The following TPP2 variants were observed in gnomAD, a reference collection of about 807,000 sequenced individuals.
TPP2 encodes tripeptidyl peptidase 2, also known as tripeptidyl-peptidase 2.
Under a neutral mutation model 155.9 loss-of-function variants are expected in TPP2, and 34 were observed. The ratio of observed to expected loss-of-function variants is 0.22; its 90% CI spans 0.17 to 0.29. The LOEUF is 0.29. Ranked by LOEUF, TPP2 falls within the 10% of genes least tolerant of loss-of-function variation. The probability of loss-of-function intolerance (pLI) is 1.00; values close to 1 mark genes in which losing one functional copy is unlikely to be tolerated. For synonymous variants in TPP2, 510 were observed against 529.4 expected (o/e 0.96, Z 0.50); for missense variants, 1,028 against 1,522.3 (o/e 0.68, Z 5.40).
At chr13:102,666,910 A>G (rs952058839) in intron 27 of TPP2, among the ~76,000 whole-genome samples, 1 of 151,646 alleles carries the variant, frequency 6.6e-6, no homozygotes, top group African/African-American at 2.4e-5. Context: ...GAGCTGCTTT[A>G]AGTTTTTAGC....
At chr13:102,644,124 G>T (rs1882945554) in intron 17 of TPP2, among the ~76,000 whole-genome samples, 1 of 151,886 alleles carries the variant, frequency 6.6e-6, no homozygotes, top group East Asian at 1.9e-4. Context: ...TGACCATAAT[G>T]TCATTTTGTT....
chr13:102,630,064 T>C (rs1378394240), intron 9 of TPP2, 32 bp from the exon 10 acceptor site: 2 of 1,593,282 alleles, frequency 1.3e-6, no homozygotes, highest in African/African-American at 1.3e-5. Context: ...CCCGTTTGTT[T>C]TCTTTTCTTA....
intron 2 of TPP2, chr13:102,607,635 GA>G (rs1879942460): frequency 2.2e-6 from 1 of 448,216 alleles, no homozygotes; most frequent in Admixed American, 2.4e-5. Context: ...CGCCCAGGTT[GA>G]AGTACAATGG....
intron 10 of TPP2, chr13:102,631,502 G>A (rs1365557384): frequency 1.3e-5 from 2 of 152,200 alleles, no homozygotes; most frequent in Admixed American, 6.5e-5. Flanking sequence ...TAATAAAAGT[G>A]TAAAATTATT....
intron 24 of TPP2, among the ~76,000 whole-genome samples, chr13:102,656,524 TC>T (rs1260668256): frequency 6.6e-6 from 1 of 152,106 alleles, no homozygotes; most frequent in Non-Finnish European, 1.5e-5. Context: ...TCTATCCTTT[TC>T]TGTTTTGTTT....
intron 4 of TPP2, 62 bp downstream of exon 4, chr13:102,616,562 C>A: frequency 1.5e-6 from 2 of 1,343,626 alleles, no homozygotes; most frequent in Non-Finnish European, 2.0e-6. Context: ...AGAGTTTCTA[C>A]AGAACTAATA....
At chr13:102,677,216 A>C (rs1885326063) in intron 29 of TPP2, among the ~76,000 whole-genome samples, 1 of 152,180 alleles carries the variant, frequency 6.6e-6, no homozygotes, top group East Asian at 1.9e-4. Context: ...CTTTGACTAG[A>C]TTAAGAGAAC....
intron 7 of TPP2, among the ~76,000 whole-genome samples, chr13:102,627,626 TTTTG>T (rs1881724175): frequency 6.8e-6 from 1 of 147,944 alleles, no homozygotes; most frequent in Non-Finnish European, 1.5e-5. Context: ...AATGCTAGTT[TTTTG>T]TTTTTTTTTT....
chr13:102,619,905 A>ACT (rs1881029877), intron 5 of TPP2, among the ~76,000 whole-genome samples: 1 of 152,240 alleles, frequency 6.6e-6, no homozygotes, highest in South Asian at 2.1e-4. Flanking sequence ...GTAACATGAT[A>ACT]CAGTCACACT....
Position 102,643,335 on chromosome 13 carries a change from C to G in TPP2, c.2134C>G (p.Leu712Val). ...CCATGAATTCTATAAGTTTTGTTCT[C>G]TTCCAGAGAAAGGAACACTGACTGA... ...RSHEFYKFCSLPEKGTLTEAF... is the reference protein window; with the variant it reads ...RSHEFYKFCSVPEKGTLTEAF... Residue 712 changes from leucine (L) to valine (V), a missense_variant, in exon 17 of 30, where the codon CTT becomes GTT. Leu to Val is a conservative substitution (Grantham distance 32). Coordinates refer to ENST00000376052, the MANE Select transcript of TPP2 (RefSeq NM_001330588.2). The G allele has an allele frequency of 6.2e-7, 1 of 1,612,254 alleles. No individual in the cohort carries two copies. Among genetic ancestry groups the G allele is most frequent in the Non-Finnish European group, 8.5e-7 (1 of 1,179,366 alleles).
intron 26 of TPP2, 133 bp downstream of exon 26, chr13:102,663,877 T>A: frequency 1.4e-6 from 1 of 706,614 alleles, no homozygotes; most frequent in Non-Finnish European, 2.2e-6. Context: ...AATGTTGTGT[T>A]AAGCTGTTTT....
In TPP2 at chr13:102,649,300, C is replaced by A. The variant is rs1883344179; in HGVS notation, c.2874-108C>A. 8 of 1,438,498 alleles carry A rather than the reference C, an allele frequency of 5.6e-6. No individual in the cohort carries two copies. In the Admixed American group the frequency reaches 9.0e-5, roughly 16 times the overall value. The allele number at this position is 1,438,498 out of a possible 1,614,324, so 89.1% of individuals were successfully genotyped here. A position where few individuals can be genotyped will look rare whatever the true frequency, so the allele number is the denominator to read the frequency against. ...CTTCCTTTGATTTTTGAAGTCTTAG[C>A]TATGGGAATGAATTCAGTGTGGAAT... On this transcript the variant is annotated intron_variant, in intron 22 of 29. Coordinates refer to ENST00000376052, the MANE Select transcript of TPP2 (RefSeq NM_001330588.2).
In TPP2 at chr13:102,676,283, T is replaced by A. The variant is rs373513739; in HGVS notation, c.3580-13T>A. 27 of 1,575,350 alleles carry A rather than the reference T, an allele frequency of 1.7e-5. No individual in the cohort carries two copies. The highest frequency in any genetic ancestry group is 2.3e-5 in the Non-Finnish European group (27 of 1,156,348). ...TATTTTATAAACAAGCTTTATCATG[T>A]TTTACATTGTAGGTTTTGACATTTG... On this transcript the variant is annotated splice_polypyrimidine_tract_variant and intron_variant, in intron 28 of 29. Transcript: ENST00000376052.
chr13:102,638,175 A>T, intron 14 of TPP2, 64 bp from the exon 15 acceptor site: 310 of 1,312,376 alleles, frequency 2.4e-4, no homozygotes, highest in Non-Finnish European at 3.2e-4. Flanking sequence ...AGTAGTTTAG[A>T]CCTTCCCCCG....
At chr13:102,620,272 A>T (rs1301270448) in intron 5 of TPP2, among the ~76,000 whole-genome samples, 3 of 152,222 alleles carry the variant, frequency 2.0e-5, no homozygotes, top group African/African-American at 7.2e-5. Flanking sequence ...TTTTGTTTAG[A>T]ACTTTTGAGT....
intron 8 of TPP2, 119 bp from the exon 9 acceptor site, chr13:102,629,363 C>T: frequency 8.5e-7 from 1 of 1,179,094 alleles, no homozygotes; most frequent in Non-Finnish European, 1.1e-6. Context: ...GTATCATGTT[C>T]CACCAAGGGT....
rs1881912790 is a variant in TPP2 at position 102,630,033 on chromosome 13, A to C, written c.1145-63A>C. On this transcript the variant is annotated intron_variant, in intron 9 of 29. Coordinates refer to ENST00000376052, the MANE Select transcript of TPP2 (RefSeq NM_001330588.2). ...GATTAGGCAGTTTACTCAAGTGAAC[A>C]GTGGATTTGGAATCAGGATCCCCGT... is the stretch of plus-strand genomic sequence containing the variant. The C allele has an allele frequency of 5.1e-6, 7 of 1,381,682 alleles. No homozygotes were observed. In the South Asian group the frequency reaches 7.0e-5, roughly 14 times the overall value. The allele number at this position is 1,381,682 out of a possible 1,614,324, so 85.6% of individuals were successfully genotyped here.
intron 27 of TPP2, among the ~76,000 whole-genome samples, chr13:102,672,757 A>G (rs754810266): frequency 1.2e-4 from 19 of 152,348 alleles, no homozygotes; most frequent in Non-Finnish European, 2.1e-4. Context: ...AGGGTGGATC[A>G]GGCAATGGCA....
chr13:102,654,706 G>A (rs1883738119), intron 24 of TPP2, among the ~76,000 whole-genome samples: 1 of 152,180 alleles, frequency 6.6e-6, no homozygotes, highest in Non-Finnish European at 1.5e-5. Flanking sequence ...GGGTGGCAGA[G>A]AAGCTCAATT....
Sources: allele counts gnomAD v4.1 joint callset (sites outside exome capture counted in the v4.1 genomes callset), GRCh38; gene constraint gnomAD v4.1.1; transcripts MANE v1.5; gene names NCBI Gene and HGNC (gene_info 2026-07-23, HGNC 2026-07-21).